The following CTNNA2 variants were observed in gnomAD, a reference collection of about 807,000 sequenced individuals.
CTNNA2 encodes catenin alpha 2.
In CTNNA2, 42 loss-of-function variants were observed where a neutral mutation model predicts 101.0. That is an observed-to-expected ratio of 0.42 (90% CI 0.32 to 0.54). The LOEUF is 0.54. CTNNA2 is among the 20% of genes least tolerant of loss of function. The pLI is 0.14. For synonymous variants in CTNNA2, 450 were observed against 456.4 expected (o/e 0.99, Z 0.18); for missense variants, 871 against 1,223.1 (o/e 0.71, Z 4.29).
chr2:79,989,043 A>T (rs1691977233), intron 7 of CTNNA2, among the ~76,000 whole-genome samples: 1 of 152,204 alleles, frequency 6.6e-6, no homozygotes, highest in Non-Finnish European at 1.5e-5. Context: ...AGTATGTTGG[A>T]TAAAACGGAA....
At chr2:80,591,597 A>C (rs1696516531) in intron 15 of CTNNA2, among the ~76,000 whole-genome samples, 1 of 151,696 alleles carries the variant, frequency 6.6e-6, no homozygotes, top group African/African-American at 2.4e-5. Flanking sequence ...AAGGAGGAAT[A>C]ATTTTAGCTC....
intron 7 of CTNNA2, among the ~76,000 whole-genome samples, chr2:80,313,138 G>A (rs771442310): frequency 7.2e-4 from 110 of 152,318 alleles, no homozygotes; most frequent in Non-Finnish European, 1.5e-3. Context: ...ATGCCTTTAT[G>A]TGTGGCCTCC....
At chr2:80,646,009 A>T (rs1237811010) in intron 18 of CTNNA2, among the ~76,000 whole-genome samples, 2 of 152,186 alleles carry the variant, frequency 1.3e-5, no homozygotes, top group Non-Finnish European at 2.9e-5. Context: ...TTTAGCTTAA[A>T]TAAGGGATAT....
At chr2:80,184,848 T>G (rs997244299) in intron 7 of CTNNA2, among the ~76,000 whole-genome samples, 2 of 152,220 alleles carry the variant, frequency 1.3e-5, no homozygotes, top group African/African-American at 4.8e-5. Flanking sequence ...TTTTTAAAAT[T>G]TCCAATGATT....
At chr2:79,580,612 G>T (rs1217398702) in intron 1 of CTNNA2, among the ~76,000 whole-genome samples, 1 of 152,154 alleles carries the variant, frequency 6.6e-6, no homozygotes, top group African/African-American at 2.4e-5. Context: ...TCCTTTTGTG[G>T]TAATTTGTTG....
At chr2:80,485,955 A>AT (rs968586231) in intron 9 of CTNNA2, among the ~76,000 whole-genome samples, 65 of 148,266 alleles carry the variant, frequency 4.4e-4, no homozygotes, top group East Asian at 9.9e-4. Context: ...ATTTCACCAT[A>AT]TTTTTTTTTT....
intron 2 of CTNNA2, among the ~76,000 whole-genome samples, chr2:79,672,271 A>C (rs1375031782): frequency 1.3e-5 from 2 of 152,318 alleles, no homozygotes; most frequent in East Asian, 3.9e-4. Context: ...TGGCATCATG[A>C]AAAGGTAACC....
chr2:80,573,423 CTT>C (rs1310619634), intron 12 of CTNNA2: 9 of 152,220 alleles, frequency 5.9e-5, no homozygotes, highest in African/African-American at 2.2e-4. Flanking sequence ...AGATGGAACA[CTT>C]TATCTTTGAG....
At chr2:80,480,168 C>T (rs1686039989) in intron 9 of CTNNA2, among the ~76,000 whole-genome samples, 1 of 151,878 alleles carries the variant, frequency 6.6e-6, no homozygotes, top group African/African-American at 2.4e-5. Flanking sequence ...TTATTTTTCC[C>T]ACAAATTAAA....
At chr2:80,488,621 A>T (rs755718176) in intron 9 of CTNNA2, among the ~76,000 whole-genome samples, 2 of 152,194 alleles carry the variant, frequency 1.3e-5, no homozygotes, top group Non-Finnish European at 1.5e-5. Context: ...GCCACCTCTG[A>T]GTTCAGCTTG....
intron 2 of CTNNA2, among the ~76,000 whole-genome samples, chr2:79,292,170 G>C (rs1047630578): frequency 4.6e-5 from 7 of 152,256 alleles, no homozygotes; most frequent in Admixed American, 3.9e-4. Context: ...GGTTCTTTAC[G>C]TGCTTAATTA....
At chr2:80,596,650 C>T (rs1438955424) in intron 15 of CTNNA2, among the ~76,000 whole-genome samples, 1 of 152,014 alleles carries the variant, frequency 6.6e-6, no homozygotes, top group Non-Finnish European at 1.5e-5. Context: ...ATGTCATCTG[C>T]AAACAGAGAC....
rs766350655 is a variant in CTNNA2 at position 79,858,039 on chromosome 2, G to A, written c.325G>A (p.Glu109Lys). 2 of 1,613,572 alleles carry A rather than the reference G, an allele frequency of 1.2e-6. No individual in the cohort carries two copies. The highest frequency in any genetic ancestry group is 1.7e-6 in the Non-Finnish European group (2 of 1,179,526). The change falls in exon 4 of 19, where the codon GAG (glutamate) becomes AAG (lysine). Residue 109 changes from glutamate to lysine, a missense_variant. This residue lies in a region of CTNNA2 where 647 missense variants were observed against 831.5 expected (regional missense o/e 0.78). Coordinates refer to ENST00000402739, the MANE Select transcript of CTNNA2 (RefSeq NM_001282597.3). ...TGAGACGATGCGGATCGCCTCCTCC[G>A]AGTTTGCAGATGACCCTTGCTCGTC... ...QGETMRIASSEFADDPCSSVK... is the reference protein window; with the variant it reads ...QGETMRIASSKFADDPCSSVK...
chr2:79,884,247 C>T (rs1415118760), intron 6 of CTNNA2, among the ~76,000 whole-genome samples: 1 of 152,124 alleles, frequency 6.6e-6, no homozygotes, highest in East Asian at 1.9e-4. Context: ...GTTTCTCCTC[C>T]ACTTGTTCCA....
intron 11 of CTNNA2, among the ~76,000 whole-genome samples, chr2:80,554,248 T>C (rs1371537280): frequency 2.0e-5 from 3 of 152,184 alleles, no homozygotes; most frequent in Admixed American, 6.5e-5. Flanking sequence ...TTTCTTTCTT[T>C]AGGAAATTTA....
intron 3 of CTNNA2, among the ~76,000 whole-genome samples, chr2:79,776,777 G>A (rs1320109399): frequency 2.0e-5 from 3 of 152,174 alleles, no homozygotes; most frequent in Non-Finnish European, 4.4e-5. Flanking sequence ...TGGAGCCTAG[G>A]AGATAAAAGT....
chr2:79,974,127 A>T (rs977547817), intron 7 of CTNNA2, among the ~76,000 whole-genome samples: 1 of 152,072 alleles, frequency 6.6e-6, no homozygotes, highest in African/African-American at 2.4e-5. Context: ...TACATTTTGA[A>T]TCTGAAAACT....
chr2:80,608,389 C>T (rs2149784659), intron 17 of CTNNA2, 71 bp downstream of exon 17: 1 of 1,535,682 alleles, frequency 6.5e-7, no homozygotes, highest in East Asian at 2.3e-5. Context: ...TTCTTGGCAA[C>T]AGTACTGCTA....
At chr2:79,948,740 G>A (rs1688671717) in intron 7 of CTNNA2, among the ~76,000 whole-genome samples, 1 of 152,092 alleles carries the variant, frequency 6.6e-6, no homozygotes. Context: ...AGGCCGAGGC[G>A]GGCGGATCAC....
Sources: allele counts gnomAD v4.1 joint callset (sites outside exome capture counted in the v4.1 genomes callset), GRCh38; gene constraint gnomAD v4.1.1; regional missense constraint gnomAD v4.1.1; transcripts MANE v1.5; gene names NCBI Gene and HGNC (gene_info 2026-07-23, HGNC 2026-07-21).